Variants in GPSM2 observed in about 807,000 individuals in gnomAD.
GPSM2 encodes the protein G protein-signaling modulator 2.
A neutral mutation model predicts 78.4 loss-of-function variants in GPSM2; 58 were observed. The ratio of observed to expected loss-of-function variants is 0.74; its 90% confidence interval spans 0.60 to 0.92. The LOEUF (loss-of-function observed/expected upper bound fraction) is 0.92. GPSM2 is among the 40% of genes least tolerant of loss of function. The pLI, the probability that GPSM2 is intolerant of heterozygous loss-of-function variation, is 0.00. For synonymous variants in GPSM2, 224 were observed against 280.2 expected (o/e 0.80, Z 2.00); for missense variants, 700 against 815.5 (o/e 0.86, Z 1.73).
At chr1:108,893,871 A>G (rs1052164351) in intron 2 of GPSM2, among the ~76,000 whole-genome samples, 1 of 152,134 alleles carries the variant, frequency 6.6e-6, no homozygotes, top group Non-Finnish European at 1.5e-5. Context: ...CCTGGCCAAC[A>G]TGATGAAACC....
At chr1:108,897,114 T>C in intron 3 of GPSM2, 29 bp downstream of exon 3, 1 of 1,455,330 alleles carries the variant, frequency 6.9e-7, no homozygotes, top group Non-Finnish European at 9.6e-7. Flanking sequence ...TAAATATTCT[T>C]CCTTCTGAAA....
intron 14 of GPSM2, 142 bp downstream of exon 14, chr1:108,924,356 C>A: frequency 1.4e-6 from 1 of 717,012 alleles, no homozygotes; most frequent in Non-Finnish European, 2.6e-6. Flanking sequence ...AATTATTGAA[C>A]ACCGATTATG....
intron 3 of GPSM2, 113 bp downstream of exon 3, chr1:108,897,198 C>A: frequency 1.2e-6 from 1 of 827,358 alleles, no homozygotes; most frequent in South Asian, 1.5e-5. Flanking sequence ...AGTTCTACTT[C>A]AGTAACATCG....
chr1:108,900,965 A>G (rs1385089905), intron 7 of GPSM2, among the ~76,000 whole-genome samples: 1 of 152,224 alleles, frequency 6.6e-6, no homozygotes, highest in Non-Finnish European at 1.5e-5. Context: ...AAATTACTGA[A>G]TCCAAAAGCA....
intron 11 of GPSM2, 57 bp downstream of exon 11, chr1:108,914,465 ATT>A: frequency 8.5e-7 from 1 of 1,170,638 alleles, no homozygotes; most frequent in South Asian, 1.3e-5. Context: ...TGTTTTAGTA[ATT>A]TTTAATTTAA....
chr1:108,877,025 C>G lies in GPSM2; in HGVS notation c.-452C>G, dbSNP rs1258632218. 6.6e-6 allele frequency: 1 copy of G among 152,272 alleles called. No homozygotes were observed. The highest frequency in any genetic ancestry group is 6.5e-5 in the Admixed American group (1 of 15,270). 9.4% of individuals were successfully genotyped at this position (152,272 alleles called of 1,614,324 possible). On this transcript the variant is annotated 5_prime_UTR_variant, in exon 1 of 15. Coordinates refer to ENST00000264126, the MANE Select transcript of GPSM2 (RefSeq NM_013296.5). ...GTTGAGACCGGCGGAGCGGCGGGACCCCTAGGTGGCGGAGGGACGCTCCGG... is the reference window on the plus strand; with the variant it reads ...GTTGAGACCGGCGGAGCGGCGGGACGCCTAGGTGGCGGAGGGACGCTCCGG...
Position 108,898,049 on chromosome 1 carries a change from G to GA in GPSM2, c.507dup (p.Phe170IlefsTer17). On this transcript the variant is annotated frameshift_variant, in exon 5 of 15. Coordinates refer to ENST00000264126, the MANE Select transcript of GPSM2 (RefSeq NM_013296.5). LOFTEE classifies it high-confidence loss of function. ...TTGCCCTGGTCCCCAGGATGTAGGA[G>GA]AATTTCCAGAAGAAGTGAGAGATGC... 6.2e-7 allele frequency: 1 copy of GA among 1,614,082 alleles called. No homozygotes were observed. The highest frequency in any genetic ancestry group is 8.5e-7 in the Non-Finnish European group (1 of 1,179,932).
At chr1:108,910,282 G>A (rs1182569966) in intron 10 of GPSM2, among the ~76,000 whole-genome samples, 2 of 152,174 alleles carry the variant, frequency 1.3e-5, no homozygotes, top group South Asian at 2.1e-4. Context: ...AGAAATTCGA[G>A]CAGTAATTTA....
intron 10 of GPSM2, among the ~76,000 whole-genome samples, chr1:108,904,758 T>C (rs1557866854): frequency 6.6e-6 from 1 of 150,818 alleles, no homozygotes; most frequent in Non-Finnish European, 1.5e-5. Flanking sequence ...TTTTTCTTTC[T>C]TTTTTTTTGG....
At chr1:108,907,819 T>A (rs1329882585) in intron 10 of GPSM2, among the ~76,000 whole-genome samples, 1 of 152,206 alleles carries the variant, frequency 6.6e-6, no homozygotes, top group Non-Finnish European at 1.5e-5. Context: ...GTTACCTGTG[T>A]AGTAAGTGGT....
At chr1:108,917,660 AT>A (rs1650370719) in intron 11 of GPSM2, among the ~76,000 whole-genome samples, 1 of 75,918 alleles carries the variant, frequency 1.3e-5, no homozygotes, top group Non-Finnish European at 2.7e-5. Flanking sequence ...ATATATATAT[AT>A]ATATAAATGA....
chr1:108,893,547 A>C (rs911827706), intron 2 of GPSM2, among the ~76,000 whole-genome samples: 3 of 152,242 alleles, frequency 2.0e-5, no homozygotes, highest in African/African-American at 7.2e-5. Flanking sequence ...CCTTAAGATC[A>C]ATTCTTAGCA....
intron 1 of GPSM2, among the ~76,000 whole-genome samples, chr1:108,884,155 C>A (rs1487527982): frequency 6.6e-6 from 1 of 152,100 alleles, no homozygotes; most frequent in East Asian, 1.9e-4. Context: ...GTTGGCTAGG[C>A]TGGTCTTGAA....
intron 2 of GPSM2, among the ~76,000 whole-genome samples, chr1:108,886,506 G>A (rs1647560965): frequency 6.6e-6 from 1 of 152,186 alleles, no homozygotes; most frequent in Admixed American, 6.5e-5. Flanking sequence ...AAATGGCCTG[G>A]CTCCTCTAGG....
intron 10 of GPSM2, among the ~76,000 whole-genome samples, 176 bp from the exon 11 acceptor site, chr1:108,914,162 A>C (rs1002972846): frequency 6.6e-6 from 1 of 152,212 alleles, no homozygotes; most frequent in African/African-American, 2.4e-5. Context: ...TGTATATTCT[A>C]TTTTTGTGTA....
At position 108,914,382 on chromosome 1, in the gene GPSM2, G is replaced by A; in HGVS notation, c.1237G>A (p.Glu413Lys). The change falls in exon 11 of 15, where the codon GAA becomes AAA. Residue 413 changes from glutamate (E) to lysine (K), a missense_variant. By Grantham distance (56) the Glu-to-Lys change is moderately conservative. Coordinates refer to ENST00000264126, the MANE Select transcript of GPSM2 (RefSeq NM_013296.5). The part of the protein sequence containing the change: ...LGRRHSMENM[E>K]LMKLTPEKVQ... ...ACGCCGGCATAGTATGGAAAATATG[G>A]AACTTATGAAGTTAACACCAGAAAA... 6.2e-7 allele frequency: 1 copy of A among 1,611,956 alleles called. No homozygotes were observed. The highest frequency in any genetic ancestry group is 2.2e-5 in the East Asian group (1 of 44,818).
intron 2 of GPSM2, among the ~76,000 whole-genome samples, chr1:108,895,898 C>A (rs1342297754): frequency 1.3e-5 from 2 of 152,126 alleles, no homozygotes; most frequent in Non-Finnish European, 2.9e-5. Flanking sequence ...ATATAAGTAT[C>A]GTATCAAATT....
chr1:108,923,164 C>G (rs1191413128), intron 13 of GPSM2, among the ~76,000 whole-genome samples: 1 of 152,082 alleles, frequency 6.6e-6, no homozygotes, highest in Non-Finnish European at 1.5e-5. Context: ...TCCCAAGTAA[C>G]TGGGACTACA....
intron 12 of GPSM2, among the ~76,000 whole-genome samples, chr1:108,921,133 C>G (rs1288731871): frequency 6.6e-6 from 1 of 152,162 alleles, no homozygotes; most frequent in Non-Finnish European, 1.5e-5. Context: ...CAGATCTGCT[C>G]TCACCCTCAC....
Sources: allele counts gnomAD v4.1 joint callset (sites outside exome capture counted in the v4.1 genomes callset), GRCh38; gene constraint gnomAD v4.1.1; transcripts MANE v1.5; gene names NCBI Gene and HGNC (gene_info 2026-07-23, HGNC 2026-07-21).